KCNN2: variants seen among roughly 807,000 people sequenced by gnomAD.
The protein encoded by KCNN2 is small conductance calcium-activated potassium channel protein 2.
Under a neutral mutation model 55.5 loss-of-function variants are expected in KCNN2, and 24 were observed. The observed-to-expected ratio is 0.43, with a 90% CI of 0.31 to 0.61. The LOEUF is 0.61. KCNN2 is among the 20% of genes least tolerant of loss of function. The probability of loss-of-function intolerance (pLI) is 0.08; values close to 1 mark genes in which losing one functional copy is unlikely to be tolerated. For missense variants in KCNN2, 754 were observed against 853.6 expected, an observed-to-expected ratio of 0.88 and a Z score of 1.45; for synonymous variants, 431 against 336.1, an observed-to-expected ratio of 1.28 and a Z score of -3.09.
chr5:114,121,461 C>G (rs1376023143), intron 1 of KCNN2, among the ~76,000 whole-genome samples: 2 of 152,170 alleles, frequency 1.3e-5, no homozygotes, highest in Admixed American at 6.5e-5. Context: ...TAGACCTGAG[C>G]CATGTATACG....
intron 1 of KCNN2, among the ~76,000 whole-genome samples, chr5:114,105,644 T>A (rs1364726494): frequency 6.6e-6 from 1 of 152,078 alleles, no homozygotes; most frequent in East Asian, 1.9e-4. Flanking sequence ...TTTCACATTA[T>A]TTTGATGCCA....
At chr5:114,433,336 G>C (rs1759869524) in intron 3 of KCNN2, among the ~76,000 whole-genome samples, 1 of 152,166 alleles carries the variant, frequency 6.6e-6, no homozygotes, top group Non-Finnish European at 1.5e-5. Flanking sequence ...ACCTTTGTGT[G>C]GACACTCTGT....
intron 2 of KCNN2, among the ~76,000 whole-genome samples, chr5:114,314,874 T>C (rs1756468714): frequency 6.6e-6 from 1 of 152,164 alleles, no homozygotes; most frequent in African/African-American, 2.4e-5. Flanking sequence ...TAAGGTGCTC[T>C]TGAGGACCCT....
chr5:114,475,893 C>G (rs1327928486), intron 5 of KCNN2, among the ~76,000 whole-genome samples: 1 of 152,192 alleles, frequency 6.6e-6, no homozygotes. Flanking sequence ...TTCTTGTATA[C>G]TTTAAACTTC....
At chr5:114,490,544 A>C in intron 6 of KCNN2, 1 of 394,156 alleles carries the variant, frequency 2.5e-6, no homozygotes, top group East Asian at 3.6e-5. Context: ...ATATTTCAAA[A>C]TCCTGCAGAA....
intron 2 of KCNN2, among the ~76,000 whole-genome samples, chr5:114,235,062 C>T (rs945117223): frequency 3.3e-5 from 5 of 152,146 alleles, no homozygotes; most frequent in African/African-American, 1.2e-4. Flanking sequence ...TTTGTTTTCT[C>T]ATCTCCCATA....
intron 2 of KCNN2, among the ~76,000 whole-genome samples, chr5:114,312,365 C>G (rs1167369475): frequency 7.4e-6 from 1 of 135,864 alleles, no homozygotes; most frequent in African/African-American, 2.8e-5. Flanking sequence ...TTTGATTCAT[C>G]CTGTGAAATA....
At chr5:114,323,704 G>A (rs1043851851) in intron 2 of KCNN2, among the ~76,000 whole-genome samples, 1 of 127,386 alleles carries the variant, frequency 7.9e-6, no homozygotes, top group Non-Finnish European at 1.6e-5. Context: ...TTGCCAGCCT[G>A]GAATGCACGG....
chr5:114,455,368 G>T (rs1760870889), intron 3 of KCNN2, among the ~76,000 whole-genome samples: 1 of 151,976 alleles, frequency 6.6e-6, no homozygotes, highest in African/African-American at 2.4e-5. Flanking sequence ...TATTTATCTT[G>T]GGGTTCCATG....
At chr5:114,096,690 C>T (rs1435614912) in intron 1 of KCNN2, among the ~76,000 whole-genome samples, 1 of 152,166 alleles carries the variant, frequency 6.6e-6, no homozygotes, top group Non-Finnish European at 1.5e-5. Flanking sequence ...TGCAGACTTT[C>T]TCTTCCCTGC....
chr5:114,095,893 G>T (rs1751245533), intron 1 of KCNN2, among the ~76,000 whole-genome samples: 1 of 151,690 alleles, frequency 6.6e-6, no homozygotes. Flanking sequence ...AGTTGTCCAG[G>T]ATATTTAAGT....
rs1164671951 is a variant in KCNN2 at position 114,363,005 on chromosome 5, A to G, written c.866A>G (p.Asn289Ser). 22 of 1,597,186 alleles carry G rather than the reference A, an allele frequency of 1.4e-5. No individual in the cohort carries two copies. Among genetic ancestry groups the G allele is most frequent in the Non-Finnish European group, 1.9e-5 (22 of 1,175,674 alleles). The change falls in exon 1 of 8, where the codon AAC (asparagine) becomes AGC (serine). Residue 289 changes from asparagine (N) to serine (S), a missense_variant. Physicochemically the swap from Asn to Ser is conservative, Grantham distance 46. Coordinates refer to ENST00000673685, the MANE Select transcript of KCNN2 (RefSeq NM_021614.4). ...VVSKPEHNNS[N>S]NLALYGTGGG... ...TCTAAGCCCGAGCACAACAACTCCAACAACCTGGCGCTCTATGGAACCGGC... is the reference window on the plus strand; with the variant it reads ...TCTAAGCCCGAGCACAACAACTCCAGCAACCTGGCGCTCTATGGAACCGGC...
At chr5:114,436,036 C>T (rs956840763) in intron 3 of KCNN2, among the ~76,000 whole-genome samples, 3 of 152,092 alleles carry the variant, frequency 2.0e-5, no homozygotes, top group East Asian at 1.9e-4. Flanking sequence ...ACTTGTTTGT[C>T]GTAATCTTTT....
chr5:114,271,497 C>G (rs574111003), intron 2 of KCNN2, among the ~76,000 whole-genome samples: 1 of 152,106 alleles, frequency 6.6e-6, no homozygotes, highest in East Asian at 1.9e-4. Context: ...CAGAAAAGCA[C>G]AAAGAAGAAA....
intron 1 of KCNN2, among the ~76,000 whole-genome samples, chr5:114,096,316 G>T (rs1375749010): frequency 6.6e-6 from 1 of 152,122 alleles, no homozygotes; most frequent in Non-Finnish European, 1.5e-5. Flanking sequence ...GCCATGGTTT[G>T]GAGGTTAAAG....
intron 1 of KCNN2, among the ~76,000 whole-genome samples, chr5:114,176,631 C>CT (rs1390246605): frequency 3.3e-5 from 5 of 152,132 alleles, no homozygotes; most frequent in African/African-American, 1.2e-4. Flanking sequence ...CTAGTCATGA[C>CT]TTTCATGCAG....
intron 2 of KCNN2, among the ~76,000 whole-genome samples, chr5:114,332,640 T>C (rs1756846013): frequency 1.3e-5 from 2 of 152,194 alleles, no homozygotes; most frequent in African/African-American, 4.8e-5. Context: ...GAACTGTCTG[T>C]ATATGTACTC....
chr5:114,330,624 A>G (rs887726011), intron 2 of KCNN2, among the ~76,000 whole-genome samples: 3 of 66,644 alleles, frequency 4.5e-5, no homozygotes, highest in African/African-American at 1.4e-4. Context: ...CATACCTCCA[A>G]GCCTCCTGTC....
chr5:114,198,236 T>A (rs1753598103), intron 1 of KCNN2, among the ~76,000 whole-genome samples: 1 of 151,484 alleles, frequency 6.6e-6, no homozygotes, highest in Non-Finnish European at 1.5e-5. Context: ...CTGGCTCCTA[T>A]ATAATATTTA....
Sources: allele counts gnomAD v4.1 joint callset (sites outside exome capture counted in the v4.1 genomes callset), GRCh38; gene constraint gnomAD v4.1.1; transcripts MANE v1.5; gene names NCBI Gene and HGNC (gene_info 2026-07-23, HGNC 2026-07-21).